The following MCPH1 variants were observed in gnomAD, a reference collection of about 807,000 sequenced individuals.
The protein encoded by MCPH1 is microcephalin.
MCPH1 carries 104 observed loss-of-function variants against 84.5 expected under a neutral mutation model. The observed-to-expected ratio is 1.23, with a 90% CI of 1.05 to 1.45. The LOEUF is 1.45. Ranked by LOEUF, MCPH1 falls within the 40% of genes most tolerant of loss-of-function variation. The pLI, the probability that MCPH1 is intolerant of heterozygous loss-of-function variation, is 0.00. For missense variants in MCPH1, 1,498 were observed against 1,005.7 expected, an observed-to-expected ratio of 1.49 and a Z score of -6.62; for synonymous variants, 514 against 366.8, an observed-to-expected ratio of 1.40 and a Z score of -4.58.
rs2979668 is a variant in MCPH1 at position 6,511,404 on chromosome 8, T to C, written c.2214+11475T>C. On this transcript the variant is annotated intron_variant, in intron 12 of 13. Coordinates refer to ENST00000344683, the MANE Select transcript of MCPH1 (RefSeq NM_024596.5). Reference sequence around the variant, plus strand: ...TCAGTGTTATATAAAACTGCCAGAATGTGTGTGAAAAGTGATGAATTTTTA... The same window carrying C: ...TCAGTGTTATATAAAACTGCCAGAACGTGTGTGAAAAGTGATGAATTTTTA... 9.1e-3 allele frequency among the ~76,000 whole-genome samples: 1,384 copies of C among 152,282 alleles called. 26 individuals carry two copies. The highest frequency in any genetic ancestry group is 0.031 in the African/African-American group (1,287 of 41,544).
chr8:6,625,716 C>T (rs949997756), intron 13 of MCPH1: 5 of 979,334 alleles, frequency 5.1e-6, no homozygotes, highest in Non-Finnish European at 6.1e-6. Flanking sequence ...CCCATAAGTT[C>T]AAGGCTGCGG....
rs537115782 is a variant in MCPH1 at position 6,409,317 on chromosome 8, A to G, written c.61A>G (p.Thr21Ala). 8 of 1,614,144 alleles carry G rather than the reference A, an allele frequency of 5.0e-6. No homozygotes were observed. The Admixed American group carries it at 6.7e-5, about 13-fold the overall frequency. ...TGTTGAAGTGTGGTCATCCAATGGA[A>G]CAGAAAATTATTCAAAGACATTTAC... ...AYVEVWSSNGTENYSKTFTTQ... is the reference protein window; with the variant it reads ...AYVEVWSSNGAENYSKTFTTQ... Residue 21 changes from threonine to alanine, a missense_variant, in exon 2 of 14, where the codon ACA becomes GCA. By Grantham distance (58) the Thr-to-Ala change is moderately conservative. Coordinates refer to ENST00000344683, the MANE Select transcript of MCPH1 (RefSeq NM_024596.5).
At chr8:6,523,968 T>G (rs1817861320) in intron 12 of MCPH1, among the ~76,000 whole-genome samples, 1 of 152,082 alleles carries the variant, frequency 6.6e-6, no homozygotes, top group Non-Finnish European at 1.5e-5. Context: ...TAAAGAGGCT[T>G]TCTGTGATAA....
intron 12 of MCPH1, 172 bp downstream of exon 12, chr8:6,500,101 G>C (rs1811856695): frequency 3.2e-6 from 2 of 632,790 alleles, no homozygotes; most frequent in Non-Finnish European, 5.7e-6. Flanking sequence ...GAGAACAAAT[G>C]TGAGAACGTG....
At chr8:6,476,953 A>T (rs1808542883) in intron 9 of MCPH1, among the ~76,000 whole-genome samples, 1 of 152,200 alleles carries the variant, frequency 6.6e-6, no homozygotes. Context: ...AGCTGGTGGA[A>T]TTACAGGAAA....
chr8:6,579,739 T>C (rs1827399001), intron 12 of MCPH1, among the ~76,000 whole-genome samples: 1 of 152,206 alleles, frequency 6.6e-6, no homozygotes, highest in African/African-American at 2.4e-5. Flanking sequence ...CCAACAGCTC[T>C]TTACAGCCCC....
Position 6,487,687 on chromosome 8 carries a change from G to C in MCPH1, c.2136+6811G>C, listed in dbSNP as rs953164704. 2.0e-5 allele frequency among the ~76,000 whole-genome samples: 3 copies of C among 152,150 alleles called. No homozygotes were observed. The East Asian group carries it at 5.8e-4, about 29-fold the overall frequency. On this transcript the variant is annotated intron_variant, in intron 11 of 13. Coordinates refer to ENST00000344683, the MANE Select transcript of MCPH1 (RefSeq NM_024596.5). ...TCTCTCTGGCAGACATTTATTGCTCGCACTTGCAAGCTGACTAGGATCTCA... is the reference window on the plus strand; with the variant it reads ...TCTCTCTGGCAGACATTTATTGCTCCCACTTGCAAGCTGACTAGGATCTCA...
chr8:6,498,230 A>C (rs1405936883), intron 11 of MCPH1, among the ~76,000 whole-genome samples: 1 of 152,234 alleles, frequency 6.6e-6, no homozygotes, highest in Non-Finnish European at 1.5e-5. Flanking sequence ...CCTTCTTATA[A>C]GAAATATGTT....
chr8:6,436,199 T>A, intron 5 of MCPH1, 37 bp downstream of exon 5: 1 of 1,603,144 alleles, frequency 6.2e-7, no homozygotes, highest in Non-Finnish European at 8.5e-7. Context: ...TTTGCATTTG[T>A]GTCCATACAC....
chr8:6,509,885 A>G (rs1814627434), intron 12 of MCPH1, among the ~76,000 whole-genome samples: 1 of 152,236 alleles, frequency 6.6e-6, no homozygotes, highest in African/African-American at 2.4e-5. Context: ...TGGGGATCAC[A>G]GGACTGACTG....
chr8:6,546,260 G>T (rs1173140912), intron 12 of MCPH1, among the ~76,000 whole-genome samples: 1 of 152,206 alleles, frequency 6.6e-6, no homozygotes, highest in Non-Finnish European at 1.5e-5. Context: ...AATATTCAAG[G>T]GCAACCCAGC....
At chr8:6,496,343 A>G (rs1422603696) in intron 11 of MCPH1, among the ~76,000 whole-genome samples, 2 of 152,110 alleles carry the variant, frequency 1.3e-5, no homozygotes, top group African/African-American at 2.4e-5. Context: ...TAATTAAAGC[A>G]ATGGGAAGTG....
At chr8:6,441,967 A>G (rs1356306055) in intron 6 of MCPH1, 100 bp from the exon 7 acceptor site, 4 of 803,804 alleles carry the variant, frequency 5.0e-6, no homozygotes, top group Non-Finnish European at 8.6e-6. Context: ...TATAGGATTT[A>G]ATAGAATCAC....
chr8:6,581,455 C>G (rs925156204), intron 12 of MCPH1, among the ~76,000 whole-genome samples: 1 of 152,202 alleles, frequency 6.6e-6, no homozygotes. Context: ...TGATCAAGAA[C>G]TCAAGATTAG....
intron 12 of MCPH1, among the ~76,000 whole-genome samples, chr8:6,552,220 C>T (rs1823766854): frequency 6.6e-6 from 1 of 152,124 alleles, no homozygotes; most frequent in Non-Finnish European, 1.5e-5. Flanking sequence ...CTTCTTCTGC[C>T]ATAGAAACAA....
At position 6,484,788 on chromosome 8, in the gene MCPH1, C is replaced by CA. The variant is rs796564842; in HGVS notation, c.2136+3913dup. Among the ~76,000 whole-genome samples the CA allele has an allele frequency of 4.6e-4, 70 of 152,288 alleles. 3 individuals are homozygous for CA. The highest frequency in any genetic ancestry group is 1.7e-3 in the African/African-American group (70 of 41,548). ...CAGAAGGTCACATGCTGTATAAGGC[C>CA]ATTTCTTTGTCATTCTAGACAAGGC... On this transcript the variant is annotated intron_variant, in intron 11 of 13. Coordinates refer to ENST00000344683, the MANE Select transcript of MCPH1 (RefSeq NM_024596.5).
At chr8:6,406,977 G>T (rs1797812135) in intron 1 of MCPH1, 3 of 435,396 alleles carry the variant, frequency 6.9e-6, no homozygotes, top group Non-Finnish European at 1.2e-5. Flanking sequence ...TTCCTCCCCC[G>T]TACTGCTTGT....
chr8:6,548,676 A>G (rs1044703932), intron 12 of MCPH1, among the ~76,000 whole-genome samples: 6 of 152,314 alleles, frequency 3.9e-5, no homozygotes, highest in African/African-American at 1.4e-4. Context: ...GATTTGAAAA[A>G]AGGAAGAAAA....
At chr8:6,460,476 AG>A (rs1224495506) in intron 9 of MCPH1, among the ~76,000 whole-genome samples, 1 of 152,012 alleles carries the variant, frequency 6.6e-6, no homozygotes, top group Non-Finnish European at 1.5e-5. Context: ...TCGTCCTCCC[AG>A]GGTACTGGGA....
Sources: allele counts gnomAD v4.1 joint callset (sites outside exome capture counted in the v4.1 genomes callset), GRCh38; gene constraint gnomAD v4.1.1; transcripts MANE v1.5; gene names NCBI Gene and HGNC (gene_info 2026-07-23, HGNC 2026-07-21).